Variants in FREM1 observed in about 807,000 individuals in gnomAD.
FREM1 encodes the protein FRAS1-related extracellular matrix protein 1.
Under a neutral mutation model 210.1 loss-of-function variants are expected in FREM1, and 220 were observed. That is an observed-to-expected ratio of 1.05 (90% CI 0.94 to 1.17). The LOEUF is 1.17. FREM1 is among the 50% of genes most tolerant of loss of function. The probability of loss-of-function intolerance (pLI) is 0.00; values close to 1 mark genes in which losing one functional copy is unlikely to be tolerated. For missense variants in FREM1, 3,454 were observed against 2,675.5 expected (o/e 1.29, Z -6.42); for synonymous variants, 1,189 against 980.2 (o/e 1.21, Z -3.98).
rs1244621871 is a variant in FREM1 at position 14,824,625 on chromosome 9, G to A, written c.2078+171C>T. Among the ~76,000 whole-genome samples, 6 of 152,074 alleles carry A rather than the reference G, an allele frequency of 3.9e-5. 1 individual carries two copies. Among genetic ancestry groups the A allele is most frequent in the African/African-American group, 9.7e-5 (4 of 41,400 alleles). On this transcript the variant is annotated intron_variant, in intron 11 of 36. Coordinates refer to ENST00000380880, the MANE Select transcript of FREM1 (RefSeq NM_001379081.2). ...TTACCAACTAATACAGCTTTCAAAG[G>A]GAGATAGGAAGTTGTTTGAGAAAAA...
rs955967433 is a variant in FREM1 at position 14,851,730 on chromosome 9, G to T, written c.829-123C>A. On this transcript the variant is annotated intron_variant, in intron 5 of 36. Coordinates refer to ENST00000380880, the MANE Select transcript of FREM1 (RefSeq NM_001379081.2). ...GCGTCTAGCAGTGACCTGAAGCCTG[G>T]CTGCATATTGGAATCACCTGGGGAG... is the stretch of plus-strand genomic sequence containing the variant. 8 of 804,916 alleles carry T rather than the reference G, an allele frequency of 9.9e-6. No individual in the cohort carries two copies. In the Admixed American group the frequency reaches 1.3e-4, roughly 14 times the overall value. The allele number at this position is 804,916 out of a possible 1,614,324, so 49.9% of individuals were successfully genotyped here.
chr9:14,875,423 T>C (rs1369810637), intron 1 of FREM1, among the ~76,000 whole-genome samples: 1 of 152,228 alleles, frequency 6.6e-6, no homozygotes, highest in Non-Finnish European at 1.5e-5. Flanking sequence ...ATTTCATTCA[T>C]TTCATCCTCC....
rs1357964217 is a variant in FREM1, at chr9:14,759,815, A to G, written c.5291T>C (p.Ile1764Thr). 1 of 1,612,912 alleles carries G rather than the reference A, an allele frequency of 6.2e-7. No individual in the cohort carries two copies. Among genetic ancestry groups the G allele is most frequent in the Non-Finnish European group, 8.5e-7 (1 of 1,179,256 alleles). Residue 1764 changes from isoleucine (I) to threonine (T), a missense_variant, in exon 28 of 37, where the codon ATC becomes ACC. By Grantham distance (89) the Ile-to-Thr change is moderately conservative (BLOSUM62 -1). Transcript: ENST00000380880. The stretch of plus-strand genomic sequence containing the variant: ...CGAGTCCATGGAATATCCCCTTCTG[A>G]TAATTTCCAAGGGCAACAAACCCAC... ...ENVGLLPLEI[I>T]RRGYSMDSAF...
chr9:14,769,249 T>C (rs1356961654), intron 27 of FREM1, among the ~76,000 whole-genome samples: 3 of 152,222 alleles, frequency 2.0e-5, no homozygotes, highest in African/African-American at 7.2e-5. Flanking sequence ...ATAAACATAC[T>C]GTCAAGTAAT....
chr9:14,797,802 G>A (rs1384295573), intron 20 of FREM1, among the ~76,000 whole-genome samples, 160 bp from the exon 21 acceptor site: 1 of 152,166 alleles, frequency 6.6e-6, no homozygotes, highest in Admixed American at 6.5e-5. Flanking sequence ...GTAAAAGAGT[G>A]CCTTCTTAGC....
chr9:14,740,971 T>C (rs1027284848), intron 35 of FREM1, among the ~76,000 whole-genome samples: 2 of 152,142 alleles, frequency 1.3e-5, no homozygotes, highest in African/African-American at 4.8e-5. Context: ...AAGTAATTCT[T>C]TCTTCTTTAA....
intron 3 of FREM1, 33 bp from the exon 4 acceptor site, chr9:14,859,517 T>C (rs1011938419): frequency 1.3e-6 from 2 of 1,568,196 alleles, no homozygotes; most frequent in Non-Finnish European, 8.7e-7. Context: ...GCAATATTAA[T>C]TGGTGCTCAG....
At chr9:14,830,669 T>G (rs566452430) in intron 10 of FREM1, among the ~76,000 whole-genome samples, 2 of 152,318 alleles carry the variant, frequency 1.3e-5, no homozygotes, top group Admixed American at 1.3e-4. Context: ...ATGGGGGAGC[T>G]TCTTCCTTCT....
intron 34 of FREM1, 92 bp downstream of exon 34, chr9:14,746,831 G>C: frequency 7.1e-7 from 1 of 1,400,308 alleles, no homozygotes; most frequent in Non-Finnish European, 9.6e-7. Flanking sequence ...ATGTAGCATG[G>C]GTTGAGTCAT....
Position 14,863,858 on chromosome 9 carries a change from T to G in FREM1, c.280A>C (p.Asn94His). ...TCTTCATCAAGAATTGGACAACCATTGTGAACATACTTGACTTCGTTGGGA... is the reference window on the plus strand; with the variant it reads ...TCTTCATCAAGAATTGGACAACCATGGTGAACATACTTGACTTCGTTGGGA... Reference protein sequence around the residue: ...FLPNEVKYVHNGCPILDEDTV... With the variant: ...FLPNEVKYVHHGCPILDEDTV... The change falls in exon 3 of 37, where the codon AAT becomes CAT. Residue 94 changes from asparagine to histidine, a missense_variant. Transcript: ENST00000380880. The G allele has an allele frequency of 6.2e-7, 1 of 1,613,556 alleles. No homozygotes were observed. The highest frequency in any genetic ancestry group is 8.5e-7 in the Non-Finnish European group (1 of 1,179,496).
At chr9:14,881,078 C>T (rs1834707809) in intron 1 of FREM1, among the ~76,000 whole-genome samples, 1 of 152,228 alleles carries the variant, frequency 6.6e-6, no homozygotes, top group Non-Finnish European at 1.5e-5. Context: ...CAGTGTGTTT[C>T]AGGCTCTGCA....
intron 20 of FREM1, among the ~76,000 whole-genome samples, chr9:14,798,672 T>TG (rs570634902): frequency 4.5e-4 from 68 of 151,596 alleles, no homozygotes; most frequent in Admixed American, 1.1e-3. Flanking sequence ...GTTACGTTTT[T>TG]AATAATAACA....
chr9:14,874,182 G>A (rs557539108), intron 1 of FREM1, among the ~76,000 whole-genome samples: 2 of 152,268 alleles, frequency 1.3e-5, no homozygotes, highest in African/African-American at 4.8e-5. Flanking sequence ...TGCCTATTAG[G>A]TCTGCTTGGT....
chr9:14,781,293 G>C (rs1474529622), intron 24 of FREM1, among the ~76,000 whole-genome samples: 1 of 152,124 alleles, frequency 6.6e-6, no homozygotes, highest in Non-Finnish European at 1.5e-5. Flanking sequence ...CAGGTGTTCA[G>C]GCAATGCTAG....
At chr9:14,791,778 C>A (rs376820059) in intron 22 of FREM1, among the ~76,000 whole-genome samples, 7 of 152,248 alleles carry the variant, frequency 4.6e-5, no homozygotes, top group African/African-American at 1.7e-4. Flanking sequence ...CTCACTGTGG[C>A]AAATCATTGA....
At chr9:14,908,731 A>G (rs1299803506) in intron 1 of FREM1, among the ~76,000 whole-genome samples, 1 of 152,240 alleles carries the variant, frequency 6.6e-6, no homozygotes, top group African/African-American at 2.4e-5. Flanking sequence ...GTCAAGGACA[A>G]TGTAGAGCAA....
At position 14,808,221 on chromosome 9, in the gene FREM1, T is replaced by A. The variant is rs529897113; in HGVS notation, c.2894-87A>T. ...TCTACTCACACCTCTTCTACAAGCA[T>A]TGAAACAGCAAGGAAAAGAAGTTAT... On this transcript the variant is annotated intron_variant, in intron 16 of 36. Coordinates refer to ENST00000380880, the MANE Select transcript of FREM1 (RefSeq NM_001379081.2). 5 of 786,190 alleles carry A rather than the reference T, an allele frequency of 6.4e-6. No individual in the cohort carries two copies. The African/African-American group carries it at 7.0e-5, about 11-fold the overall frequency. 48.7% of individuals were successfully genotyped at this position (786,190 alleles called of 1,614,324 possible). A position where few individuals can be genotyped will look rare whatever the true frequency, so the allele number is the denominator to read the frequency against.
intron 27 of FREM1, among the ~76,000 whole-genome samples, chr9:14,761,885 A>G (rs1845561967): frequency 6.6e-6 from 1 of 152,236 alleles, no homozygotes; most frequent in African/African-American, 2.4e-5. Flanking sequence ...AAAGTGCAAG[A>G]GTAGTGATGC....
intron 1 of FREM1, among the ~76,000 whole-genome samples, chr9:14,903,900 T>C (rs976889516): frequency 3.3e-5 from 5 of 151,952 alleles, no homozygotes; most frequent in Non-Finnish European, 1.5e-5. Context: ...GGCGGGCGGA[T>C]CACGAGGTCA....
Sources: allele counts gnomAD v4.1 joint callset (sites outside exome capture counted in the v4.1 genomes callset), GRCh38; gene constraint gnomAD v4.1.1; transcripts MANE v1.5; gene names NCBI Gene and HGNC (gene_info 2026-07-23, HGNC 2026-07-21).